The following UTS2 variants were observed in gnomAD, a reference collection of about 807,000 sequenced individuals.
UTS2 encodes urotensin-2.
In UTS2, 10 loss-of-function variants were observed where a neutral mutation model predicts 12.6. The observed-to-expected ratio is 0.80, with a 90% CI of 0.49 to 1.35. The LOEUF (loss-of-function observed/expected upper bound fraction) is 1.35. Among genes scored for constraint, UTS2 ranks in the 40% most tolerant of loss-of-function variants. The pLI, the probability that UTS2 is intolerant of heterozygous loss-of-function variation, is 0.00. For missense variants in UTS2, 142 were observed against 143.2 expected (o/e 0.99, Z 0.04); for synonymous variants, 52 against 50.0 (o/e 1.04, Z -0.17).
intron 2 of UTS2, among the ~76,000 whole-genome samples, chr1:7,850,475 A>G (rs1451467112): frequency 6.6e-6 from 1 of 152,202 alleles, no homozygotes; most frequent in Admixed American, 6.5e-5. Context: ...AAACTGGAGT[A>G]CAGAAAGATT....
chr1:7,851,322 A>G lies in UTS2; in HGVS notation c.104-400T>C, dbSNP rs200024407. ...TGGGTGGTGACATTGGAGAGGAAAA[A>G]GAAAGATCGTTTACAATCTTCCTAT... On this transcript the variant is annotated intron_variant, in intron 1 of 3. Coordinates refer to ENST00000361696, the MANE Select transcript of UTS2 (RefSeq NM_006786.4). Among the ~76,000 whole-genome samples the G allele has an allele frequency of 1.6e-4, 12 of 76,198 alleles. No individual in the cohort carries two copies. The East Asian group carries it at 2.6e-3, about 17-fold the overall frequency. The allele number at this position is 76,198 out of a possible 152,430, so 50.0% of individuals were successfully genotyped here. A position where few individuals can be genotyped will look rare whatever the true frequency, so the allele number is the denominator to read the frequency against.
the UTS2 span, among the ~76,000 whole-genome samples, chr1:7,863,949 G>C: frequency 2.0e-5 from 3 of 152,196 alleles, no homozygotes; most frequent in Admixed American, 6.5e-5. Flanking sequence ...CCCTCTCCAC[G>C]TGGCCTCATC....
chr1:7,881,438 TG>T, the UTS2 span, among the ~76,000 whole-genome samples: 1 of 152,182 alleles, frequency 6.6e-6, no homozygotes, highest in African/African-American at 2.4e-5. Flanking sequence ...TGAATTAAGT[TG>T]CAGTATATAA....
At chr1:7,911,326 C>T in the UTS2 span, among the ~76,000 whole-genome samples, 2 of 151,984 alleles carry the variant, frequency 1.3e-5, no homozygotes, top group Non-Finnish European at 2.9e-5. Flanking sequence ...TTGTACTGAG[C>T]ATGGCTAAAT....
the UTS2 span, among the ~76,000 whole-genome samples, chr1:7,876,941 CCAACATGGT>C: frequency 4.6e-5 from 7 of 151,706 alleles, no homozygotes; most frequent in Non-Finnish European, 1.0e-4. Context: ...ACCATCCTGG[CCAACATGGT>C]GAAACTCTGT....
chr1:7,902,663 G>A, the UTS2 span, among the ~76,000 whole-genome samples: 1 of 152,116 alleles, frequency 6.6e-6, no homozygotes, highest in African/African-American at 2.4e-5. Flanking sequence ...CTGACCTCAC[G>A]TGATCTTCCC....
At chr1:7,900,896 T>C in the UTS2 span, among the ~76,000 whole-genome samples, 349 of 152,324 alleles carry the variant, frequency 2.3e-3, 18 homozygotes, top group South Asian at 0.07. Flanking sequence ...TAAACCACTT[T>C]CTTCTATTCT....
chr1:7,889,496 G>GAAAAGTAA, the UTS2 span, among the ~76,000 whole-genome samples: 1 of 135,660 alleles, frequency 7.4e-6, no homozygotes, highest in African/African-American at 2.7e-5. Context: ...AAAGAAAGTA[G>GAAAAGTAA]AATTCAACTC....
intron 3 of UTS2, 43 bp from the exon 4 acceptor site, chr1:7,847,925 TA>T: frequency 7.3e-7 from 1 of 1,369,492 alleles, no homozygotes; most frequent in Non-Finnish European, 1.0e-6. Context: ...AAAAAACAGA[TA>T]AGTTACCAAC....
chr1:7,849,970 A>T (rs528750856), intron 2 of UTS2, among the ~76,000 whole-genome samples: 87 of 140,604 alleles, frequency 6.2e-4, no homozygotes, highest in African/African-American at 2.0e-3. Flanking sequence ...AAAGGCTCAA[A>T]TTTTTTTTTT....
At chr1:7,869,622 A>G in the UTS2 span, among the ~76,000 whole-genome samples, 2 of 152,162 alleles carry the variant, frequency 1.3e-5, no homozygotes, top group Non-Finnish European at 2.9e-5. Flanking sequence ...CATCCTGGTG[A>G]CCTAGAAGGC....
upstream of UTS2, among the ~76,000 whole-genome samples, chr1:7,854,047 T>C (rs1265564404): frequency 1.3e-5 from 2 of 151,796 alleles, no homozygotes; most frequent in East Asian, 1.9e-4. Context: ...CTGGGCAACA[T>C]AGAGAAACAC....
chr1:7,875,958 C>A, the UTS2 span, among the ~76,000 whole-genome samples: 6 of 152,166 alleles, frequency 3.9e-5, no homozygotes, highest in Admixed American at 3.9e-4. Flanking sequence ...TCTGCCCATT[C>A]ACTACCACCA....
the UTS2 span, among the ~76,000 whole-genome samples, chr1:7,887,998 G>A: frequency 6.6e-6 from 1 of 152,160 alleles, no homozygotes; most frequent in Non-Finnish European, 1.5e-5. Context: ...GATGTTACGG[G>A]TCTTGGCCTG....
the UTS2 span, among the ~76,000 whole-genome samples, chr1:7,859,181 G>T: frequency 6.6e-6 from 1 of 152,048 alleles, no homozygotes; most frequent in Non-Finnish European, 1.5e-5. Flanking sequence ...CATCATCGGG[G>T]TCCATTCTTA....
At chr1:7,901,936 A>G in the UTS2 span, among the ~76,000 whole-genome samples, 1 of 152,186 alleles carries the variant, frequency 6.6e-6, no homozygotes, top group African/African-American at 2.4e-5. Flanking sequence ...AGAAAAGTTT[A>G]GTGGATTCAA....
At chr1:7,888,600 C>T in the UTS2 span, among the ~76,000 whole-genome samples, 3 of 152,178 alleles carry the variant, frequency 2.0e-5, no homozygotes, top group Non-Finnish European at 2.9e-5. Flanking sequence ...GCTGAAAATC[C>T]TCTGGCCATC....
At chr1:7,868,528 A>G in the UTS2 span, among the ~76,000 whole-genome samples, 2 of 152,148 alleles carry the variant, frequency 1.3e-5, no homozygotes. Flanking sequence ...TGTGGGGGCA[A>G]TGAGGACCCA....
rs1020517741 is a variant in UTS2 at position 7,852,918 on chromosome 1, A to G, written c.86T>C (p.Ile29Thr). Residue 29 changes from isoleucine to threonine, a missense_variant, in exon 1 of 4, where the codon ATA becomes ACA. By Grantham distance (89) the Ile-to-Thr change is moderately conservative. Coordinates refer to ENST00000361696, the MANE Select transcript of UTS2 (RefSeq NM_006786.4). ...AATCTTACCTGAGAGTTGAAAGGAT[A>G]TTTCCCTGGAGTCAAGGAGAGGAAG... The part of the protein sequence containing the change: ...LSLPLLDSRE[I>T]SFQLSAPHED... 1.2e-6 allele frequency: 2 copies of G among 1,609,854 alleles called. No individual in the cohort carries two copies. The highest frequency in any genetic ancestry group is 3.4e-5 in the Admixed American group (2 of 59,204).
Sources: gnomAD v4.1 joint callset for allele counts (sites outside exome capture counted in the v4.1 genomes callset) on GRCh38, gnomAD v4.1.1 for gene constraint, MANE v1.5 for transcripts, NCBI Gene and HGNC (gene_info 2026-07-23, HGNC 2026-07-21) for gene names.